KLHL1: variants seen among roughly 807,000 people sequenced by gnomAD.
The protein encoded by KLHL1 is kelch-like protein 1.
In KLHL1, 47 loss-of-function variants were observed where a neutral mutation model predicts 77.7. The ratio of observed to expected loss-of-function variants is 0.60; its 90% CI spans 0.48 to 0.77. The LOEUF is 0.77. Ranked by LOEUF, KLHL1 falls within the 30% of genes least tolerant of loss-of-function variation. The pLI, the probability that KLHL1 is intolerant of heterozygous loss-of-function variation, is 0.00. For missense variants in KLHL1, 925 were observed against 910.8 expected, an observed-to-expected ratio of 1.02 and a Z score of -0.20; for synonymous variants, 360 against 325.2, an observed-to-expected ratio of 1.11 and a Z score of -1.15.
chr13:69,740,753 C>T (rs1373562795), intron 7 of KLHL1, among the ~76,000 whole-genome samples, 197 bp from the exon 8 acceptor site: 1 of 152,152 alleles, frequency 6.6e-6, no homozygotes, highest in Non-Finnish European at 1.5e-5. Flanking sequence ...ATTCATTCAG[C>T]ATAGACTTCA....
chr13:69,950,443 T>G (rs1883670822), intron 3 of KLHL1, among the ~76,000 whole-genome samples: 1 of 151,630 alleles, frequency 6.6e-6, no homozygotes, highest in African/African-American at 2.4e-5. Flanking sequence ...ATCTTCAAAT[T>G]TATTATAGTT....
chr13:69,722,689 A>G (rs1873120680), intron 8 of KLHL1, among the ~76,000 whole-genome samples: 1 of 151,492 alleles, frequency 6.6e-6, no homozygotes, highest in Non-Finnish European at 1.5e-5. Flanking sequence ...AGAAACTCAT[A>G]CATTGTTTAT....
intron 6 of KLHL1, among the ~76,000 whole-genome samples, chr13:69,802,679 C>A (rs963964004): frequency 6.7e-6 from 1 of 150,342 alleles, no homozygotes; most frequent in African/African-American, 2.5e-5. Context: ...TGCAGCCCCC[C>A]AGTCCCGTAC....
intron 4 of KLHL1, among the ~76,000 whole-genome samples, chr13:69,917,342 G>A (rs1363716863): frequency 1.3e-5 from 2 of 151,960 alleles, no homozygotes; most frequent in African/African-American, 4.8e-5. Context: ...GAAGTGATAG[G>A]AGAGAATTTT....
intron 4 of KLHL1, among the ~76,000 whole-genome samples, chr13:69,903,654 T>TC: frequency 7.7e-6 from 1 of 130,040 alleles, no homozygotes; most frequent in Non-Finnish European, 1.6e-5. Flanking sequence ...TTTTTTTTTT[T>TC]TTTTTTGAGA....
chr13:69,834,526 A>G (rs1308865680), intron 6 of KLHL1, among the ~76,000 whole-genome samples: 1 of 152,100 alleles, frequency 6.6e-6, no homozygotes, highest in Non-Finnish European at 1.5e-5. Flanking sequence ...ATTGATAAAT[A>G]GCATATTATA....
intron 9 of KLHL1, among the ~76,000 whole-genome samples, chr13:69,711,668 A>C (rs1352963068): frequency 6.6e-6 from 1 of 152,122 alleles, no homozygotes; most frequent in East Asian, 1.9e-4. Flanking sequence ...AATGTTCCTA[A>C]TAAACATTTT....
intron 6 of KLHL1, among the ~76,000 whole-genome samples, chr13:69,799,120 ATC>A (rs371663022): frequency 1.7e-3 from 260 of 152,056 alleles, no homozygotes; most frequent in African/African-American, 5.9e-3. Flanking sequence ...TTACACAGAT[ATC>A]TGTCTCTTGT....
chr13:70,085,505 T>G (rs1358234713), intron 1 of KLHL1, among the ~76,000 whole-genome samples: 3 of 151,612 alleles, frequency 2.0e-5, no homozygotes, highest in Non-Finnish European at 4.4e-5. Context: ...AATGTTTAAT[T>G]TTTTTATATT....
chr13:69,931,956 A>C (rs141299753), intron 4 of KLHL1, among the ~76,000 whole-genome samples: 26 of 152,016 alleles, frequency 1.7e-4, no homozygotes, highest in African/African-American at 5.8e-4. Flanking sequence ...ATTAGGCACA[A>C]AAATATTTTA....
intron 5 of KLHL1, among the ~76,000 whole-genome samples, chr13:69,873,420 T>C (rs1231721958): frequency 6.6e-6 from 1 of 152,194 alleles, no homozygotes; most frequent in Non-Finnish European, 1.5e-5. Flanking sequence ...AACTTTGATA[T>C]ATTTATATTT....
intron 7 of KLHL1, among the ~76,000 whole-genome samples, chr13:69,785,281 A>C (rs1170277986): frequency 6.6e-6 from 1 of 152,190 alleles, no homozygotes; most frequent in Non-Finnish European, 1.5e-5. Context: ...CAAATGTAAA[A>C]GAATAGAAAT....
intron 9 of KLHL1, among the ~76,000 whole-genome samples, chr13:69,709,789 A>C (rs546646616): frequency 1.3e-5 from 2 of 152,158 alleles, no homozygotes; most frequent in South Asian, 2.1e-4. Flanking sequence ...TGAAACAATA[A>C]GAACAAATTT....
intron 8 of KLHL1, among the ~76,000 whole-genome samples, chr13:69,722,845 TA>T (rs1291058836): frequency 6.6e-6 from 1 of 151,954 alleles, no homozygotes; most frequent in Non-Finnish European, 1.5e-5. Flanking sequence ...ATGAAACCAG[TA>T]TATAAGAGAA....
intron 7 of KLHL1, among the ~76,000 whole-genome samples, chr13:69,794,565 A>T (rs1292136875): frequency 2.3e-5 from 2 of 86,098 alleles, no homozygotes; most frequent in Non-Finnish European, 5.3e-5. Context: ...GAGAGAGATT[A>T]AAAAAAAAGA....
intron 6 of KLHL1, 145 bp from the exon 7 acceptor site, chr13:69,797,107 T>C (rs1190066721): frequency 1.4e-5 from 9 of 644,382 alleles, no homozygotes; most frequent in Non-Finnish European, 2.7e-6. Flanking sequence ...ACAAAAGGAG[T>C]AGTAATTCAA....
chr13:69,844,955 A>T (rs1879403771), intron 5 of KLHL1, among the ~76,000 whole-genome samples: 1 of 151,614 alleles, frequency 6.6e-6, no homozygotes, highest in Non-Finnish European at 1.5e-5. Context: ...TAAGTATTCG[A>T]TCCAGGAAAT....
At chr13:70,006,256 T>TAA (rs1885402175) in intron 1 of KLHL1, among the ~76,000 whole-genome samples, 1 of 152,028 alleles carries the variant, frequency 6.6e-6, no homozygotes, top group East Asian at 1.9e-4. Context: ...TCTTTATCTA[T>TAA]TTGCTTATAG....
chr13:69,872,572 AT>A (rs1880623884), intron 5 of KLHL1, among the ~76,000 whole-genome samples: 1 of 152,004 alleles, frequency 6.6e-6, no homozygotes, highest in Non-Finnish European at 1.5e-5. Flanking sequence ...ACATGCAATG[AT>A]GCACCCTCTC....
Sources: gnomAD v4.1 joint callset for allele counts (sites outside exome capture counted in the v4.1 genomes callset) on GRCh38, gnomAD v4.1.1 for gene constraint, MANE v1.5 for transcripts, NCBI Gene and HGNC (gene_info 2026-07-23, HGNC 2026-07-21) for gene names.